Variants in UBAC2 observed in about 807,000 individuals in gnomAD.
The protein encoded by UBAC2 is ubiquitin-associated domain-containing protein 2.
A neutral mutation model predicts 44.0 loss-of-function variants in UBAC2; 26 were observed. The ratio of observed to expected loss-of-function variants is 0.59; its 90% CI spans 0.43 to 0.82. UBAC2 has a LOEUF of 0.82. Ranked by LOEUF, UBAC2 falls within the 40% of genes least tolerant of loss-of-function variation. The probability of loss-of-function intolerance (pLI) is 0.00; values close to 1 mark genes in which losing one functional copy is unlikely to be tolerated. For missense variants in UBAC2, 329 were observed against 419.4 expected (o/e 0.78, Z 1.88); for synonymous variants, 155 against 154.3 (o/e 1.00, Z -0.04).
chr13:99,260,358 G>A (rs1285996256), intron 4 of UBAC2, among the ~76,000 whole-genome samples: 1 of 152,190 alleles, frequency 6.6e-6, no homozygotes, highest in African/African-American at 2.4e-5. Flanking sequence ...GTAGAGAAGA[G>A]GCATTTAATA....
At chr13:99,374,424 G>A (rs576306887) in intron 8 of UBAC2, among the ~76,000 whole-genome samples, 45 of 152,226 alleles carry the variant, frequency 3.0e-4, no homozygotes, top group African/African-American at 8.9e-4. Context: ...AAACAATGGC[G>A]TCCCATAATT....
chr13:99,339,639 AT>A (rs60996118), intron 6 of UBAC2, among the ~76,000 whole-genome samples: 76 of 149,094 alleles, frequency 5.1e-4, no homozygotes, highest in East Asian at 1.8e-3. Context: ...TCACATCAAG[AT>A]TTTTTTTTTT....
chr13:99,333,098 G>GC (rs934944856), intron 6 of UBAC2, among the ~76,000 whole-genome samples: 1 of 152,004 alleles, frequency 6.6e-6, no homozygotes, highest in Non-Finnish European at 1.5e-5. Context: ...CCCGTCTCTG[G>GC]GGGGGGAAGA....
intron 8 of UBAC2, among the ~76,000 whole-genome samples, chr13:99,369,611 A>G (rs190397809): frequency 1.1e-3 from 167 of 152,350 alleles, no homozygotes; most frequent in African/African-American, 3.8e-3. Flanking sequence ...GATATTTTCA[A>G]CGTACAGTGG....
intron 4 of UBAC2, among the ~76,000 whole-genome samples, chr13:99,287,629 T>C (rs1229708246): frequency 8.6e-6 from 1 of 116,686 alleles, no homozygotes; most frequent in Non-Finnish European, 1.9e-5. Flanking sequence ...TTCTTTCTTC[T>C]TTTTTTTTTC....
In UBAC2 at chr13:99,264,967, G is replaced by T. The variant is rs1319364737; in HGVS notation, c.389+20343G>T. Among the ~76,000 whole-genome samples the T allele has an allele frequency of 9.5e-4, 128 of 135,196 alleles. 1 individual carries two copies. Among genetic ancestry groups the T allele is most frequent in the African/African-American group, 3.1e-3 (114 of 36,440 alleles). The allele number at this position is 135,196 out of a possible 152,430, so 88.7% of individuals were successfully genotyped here. A position where few individuals can be genotyped will look rare whatever the true frequency, so the allele number is the denominator to read the frequency against. On this transcript the variant is annotated intron_variant, in intron 4 of 8. Coordinates refer to ENST00000403766, the MANE Select transcript of UBAC2 (RefSeq NM_001144072.2). ...TTAGTTCCTGATCTTTGCCATCGCT[G>T]TTTTTTTTTTTTTTTTTAATTGTTC...
intron 7 of UBAC2, among the ~76,000 whole-genome samples, chr13:99,364,595 A>G (rs766312614): frequency 1.3e-4 from 20 of 152,120 alleles, no homozygotes; most frequent in Admixed American, 5.2e-4. Flanking sequence ...GGAGTCATTA[A>G]AGATTTCATA....
intron 4 of UBAC2, among the ~76,000 whole-genome samples, chr13:99,252,319 G>A (rs966375654): frequency 1.3e-5 from 2 of 152,244 alleles, no homozygotes; most frequent in Non-Finnish European, 2.9e-5. Flanking sequence ...CCCACTGGCT[G>A]TTTGAGGGGG....
chr13:99,334,818 A>T (rs73568097), intron 6 of UBAC2, among the ~76,000 whole-genome samples: 1 of 152,232 alleles, frequency 6.6e-6, no homozygotes, highest in East Asian at 1.9e-4. Flanking sequence ...AAACACTCCA[A>T]TCAAAAGGTA....
At chr13:99,324,943 A>T (rs557744147) in intron 6 of UBAC2, among the ~76,000 whole-genome samples, 9 of 152,296 alleles carry the variant, frequency 5.9e-5, no homozygotes, top group Non-Finnish European at 1.3e-4. Context: ...ACACTCTGTA[A>T]TGTTCACACG....
chr13:99,289,141 C>T (rs756850144), intron 4 of UBAC2, among the ~76,000 whole-genome samples: 3 of 152,236 alleles, frequency 2.0e-5, no homozygotes, highest in Non-Finnish European at 2.9e-5. Flanking sequence ...TGGAGTCTGA[C>T]AGAACCAGGC....
intron 1 of UBAC2, among the ~76,000 whole-genome samples, chr13:99,217,865 G>A (rs925545752): frequency 1.3e-5 from 2 of 152,130 alleles, no homozygotes; most frequent in African/African-American, 4.8e-5. Flanking sequence ...CACCGAGCTC[G>A]TGCCCACCTT....
intron 8 of UBAC2, among the ~76,000 whole-genome samples, chr13:99,380,140 TG>T (rs1363199297): frequency 2.0e-5 from 3 of 152,202 alleles, no homozygotes; most frequent in Admixed American, 1.3e-4. Context: ...AGGTCAGGTG[TG>T]GAACTTGCCA....
intron 7 of UBAC2, among the ~76,000 whole-genome samples, chr13:99,354,339 A>C (rs1356590318): frequency 2.6e-5 from 4 of 152,346 alleles, no homozygotes; most frequent in Admixed American, 6.5e-5. Context: ...TTGAGAGAGA[A>C]CTGTTTGGCC....
chr13:99,367,926 T>G lies in UBAC2; in HGVS notation c.927+20T>G. ...GAACAGGTAATTAATCAGTAATACC[T>G]GGTACTCATTCTAAATCCATGTTTC... On this transcript the variant is annotated intron_variant, in intron 8 of 8. Coordinates refer to ENST00000403766, the MANE Select transcript of UBAC2 (RefSeq NM_001144072.2). 2 of 1,605,196 alleles carry G rather than the reference T, an allele frequency of 1.2e-6. No homozygotes were observed. The highest frequency in any genetic ancestry group is 1.7e-6 in the Non-Finnish European group (2 of 1,175,930).
At chr13:99,253,553 ACCC>A (rs748348291) in intron 4 of UBAC2, among the ~76,000 whole-genome samples, 6 of 151,798 alleles carry the variant, frequency 4.0e-5, no homozygotes, top group Non-Finnish European at 8.8e-5. Context: ...TCGCTTTGTC[ACCC>A]AGGCTGGAGT....
At chr13:99,302,119 A>G (rs2044265722) in intron 4 of UBAC2, among the ~76,000 whole-genome samples, 1 of 152,182 alleles carries the variant, frequency 6.6e-6, no homozygotes, top group South Asian at 2.1e-4. Context: ...TGGATGTACC[A>G]AAGAGGAACT....
chr13:99,324,027 C>T (rs2044603995), intron 6 of UBAC2, among the ~76,000 whole-genome samples: 1 of 152,208 alleles, frequency 6.6e-6, no homozygotes, highest in South Asian at 2.1e-4. Context: ...GCGACCTCCT[C>T]ACCTACCCCT....
At chr13:99,234,171 CTTTTTTTTTTTTTTT>C (rs773370310) in intron 1 of UBAC2, among the ~76,000 whole-genome samples, 11 of 61,684 alleles carry the variant, frequency 1.8e-4, no homozygotes, top group East Asian at 5.4e-4. Context: ...CTAGCCGTTT[CTTTTTTTTTTTTTTT>C]TTTTTTTTTT....
Sources: gnomAD v4.1 joint callset for allele counts (sites outside exome capture counted in the v4.1 genomes callset) on GRCh38, gnomAD v4.1.1 for gene constraint, MANE v1.5 for transcripts, NCBI Gene and HGNC (gene_info 2026-07-23, HGNC 2026-07-21) for gene names.